The following TAFA1 variants were observed in gnomAD, a reference collection of about 807,000 sequenced individuals.
TAFA1 encodes the protein TAFA chemokine like family member 1, also known as chemokine-like protein TAFA-1.
TAFA1 carries 4 observed loss-of-function variants against 18.5 expected under a neutral mutation model. That is an observed-to-expected ratio of 0.22 (90% CI 0.11 to 0.49). The LOEUF (loss-of-function observed/expected upper bound fraction) is 0.49. TAFA1 is among the 20% of genes least tolerant of loss of function. The pLI, the probability that TAFA1 is intolerant of heterozygous loss-of-function variation, is 0.98. For missense variants in TAFA1, 147 were observed against 169.0 expected (o/e 0.87, Z 0.72); for synonymous variants, 56 against 55.2 (o/e 1.01, Z -0.06).
chr3:68,464,170 C>T (rs917914623), intron 3 of TAFA1, among the ~76,000 whole-genome samples: 4 of 152,120 alleles, frequency 2.6e-5, no homozygotes, highest in Non-Finnish European at 1.5e-5. Context: ...CTACCATGTA[C>T]CAGAGACTGG....
chr3:68,523,258 T>C (rs1388287172), intron 3 of TAFA1, among the ~76,000 whole-genome samples: 2 of 152,214 alleles, frequency 1.3e-5, no homozygotes, highest in Non-Finnish European at 2.9e-5. Flanking sequence ...CCAGTGTTGC[T>C]AGTCTTCCTA....
At position 68,395,347 on chromosome 3, in the gene TAFA1, T is replaced by A. The variant is rs138304857; in HGVS notation, c.119-21933T>A. 8.2e-3 allele frequency among the ~76,000 whole-genome samples: 1,241 copies of A among 152,250 alleles called. 14 individuals carry two copies. The highest frequency in any genetic ancestry group is 0.028 in the African/African-American group (1,170 of 41,540). Reference sequence around the variant, plus strand: ...AACGCTTTTACACTGTTGGTGAGAGTGTAAATTAGTTCAACCATTGTGGGA... The same window carrying A: ...AACGCTTTTACACTGTTGGTGAGAGAGTAAATTAGTTCAACCATTGTGGGA... On this transcript the variant is annotated intron_variant, in intron 2 of 4. Transcript: ENST00000478136.
At chr3:68,272,024 G>A (rs11710296) in intron 2 of TAFA1, among the ~76,000 whole-genome samples, 71,373 of 151,984 alleles carry the variant, frequency 0.47, 17,978 homozygotes, top group East Asian at 0.66. Context: ...CTCTTTCCCC[G>A]ATCCTATTGA....
intron 2 of TAFA1, among the ~76,000 whole-genome samples, chr3:68,137,355 G>C (rs1372401886): frequency 6.6e-6 from 1 of 151,946 alleles, no homozygotes; most frequent in Admixed American, 6.6e-5. Flanking sequence ...CAATGTTTTG[G>C]CTTTCTTAAA....
intron 2 of TAFA1, among the ~76,000 whole-genome samples, chr3:68,073,173 T>A (rs983102897): frequency 9.2e-5 from 14 of 152,198 alleles, no homozygotes; most frequent in Admixed American, 5.9e-4. Context: ...GAGTAGGCTT[T>A]GCTGTTTTTT....
At chr3:68,268,687 A>G (rs1192865792) in intron 2 of TAFA1, among the ~76,000 whole-genome samples, 2 of 152,112 alleles carry the variant, frequency 1.3e-5, no homozygotes, top group African/African-American at 4.8e-5. Context: ...ACCTAAAAAT[A>G]TCCACCTCTT....
chr3:68,475,124 T>C (rs1559684638), intron 3 of TAFA1, among the ~76,000 whole-genome samples: 1 of 151,976 alleles, frequency 6.6e-6, no homozygotes, highest in Non-Finnish European at 1.5e-5. Flanking sequence ...AGTCACTCTT[T>C]AAATGCTGGC....
intron 2 of TAFA1, among the ~76,000 whole-genome samples, chr3:68,127,349 C>T (rs1182448449): frequency 6.6e-6 from 1 of 152,140 alleles, no homozygotes; most frequent in Non-Finnish European, 1.5e-5. Context: ...CTAAAAGAGA[C>T]TAAAGTGAAC....
chr3:68,316,690 G>A (rs1286552230), intron 2 of TAFA1, among the ~76,000 whole-genome samples: 1 of 152,142 alleles, frequency 6.6e-6, no homozygotes, highest in Non-Finnish European at 1.5e-5. Flanking sequence ...GTACATGCCT[G>A]ATGCTATACT....
intron 2 of TAFA1, among the ~76,000 whole-genome samples, chr3:68,183,539 G>T (rs1482342982): frequency 6.6e-6 from 1 of 152,134 alleles, no homozygotes; most frequent in Admixed American, 6.6e-5. Flanking sequence ...ATGATCAGAA[G>T]ACTGTTGGAT....
At chr3:68,349,566 A>G (rs139279703) in intron 2 of TAFA1, among the ~76,000 whole-genome samples, 1 of 152,244 alleles carries the variant, frequency 6.6e-6, no homozygotes, top group East Asian at 1.9e-4. Flanking sequence ...AAAATTTCAT[A>G]GGAAAAAAAG....
intron 2 of TAFA1, among the ~76,000 whole-genome samples, chr3:68,271,422 A>G (rs925188645): frequency 5.9e-5 from 9 of 152,132 alleles, no homozygotes; most frequent in Admixed American, 5.9e-4. Context: ...GGGCCACATC[A>G]GCCCCACTCA....
chr3:68,113,559 T>C (rs2065285174), intron 2 of TAFA1, among the ~76,000 whole-genome samples: 1 of 152,208 alleles, frequency 6.6e-6, no homozygotes, highest in Non-Finnish European at 1.5e-5. Context: ...CACATTTAGA[T>C]ACATTAAAAC....
intron 2 of TAFA1, among the ~76,000 whole-genome samples, chr3:68,243,639 T>C (rs1343665769): frequency 6.6e-5 from 10 of 152,178 alleles, no homozygotes; most frequent in South Asian, 2.1e-4. Context: ...TCATTTCTTT[T>C]TATGGCTGAG....
intron 2 of TAFA1, among the ~76,000 whole-genome samples, chr3:68,351,774 G>T (rs1290061472): frequency 2.6e-5 from 4 of 151,896 alleles, no homozygotes; most frequent in African/African-American, 7.3e-5. Flanking sequence ...GGCTGATGAG[G>T]GTGTAAAGCT....
At chr3:68,070,101 G>A (rs2064733865) in intron 2 of TAFA1, among the ~76,000 whole-genome samples, 1 of 152,238 alleles carries the variant, frequency 6.6e-6, no homozygotes, top group Admixed American at 6.5e-5. Flanking sequence ...GAGACTCTGT[G>A]TGGGGGCTCT....
At chr3:68,225,627 G>A (rs2066789402) in intron 2 of TAFA1, among the ~76,000 whole-genome samples, 1 of 152,168 alleles carries the variant, frequency 6.6e-6, no homozygotes. Flanking sequence ...TACCCAACAT[G>A]CAGAGTAGGT....
intron 2 of TAFA1, among the ~76,000 whole-genome samples, chr3:68,271,821 C>T (rs1212453298): frequency 1.4e-5 from 2 of 143,960 alleles, no homozygotes; most frequent in South Asian, 4.6e-4. Flanking sequence ...GTCTATCTCT[C>T]TCTCTCTCTC....
At chr3:68,249,688 A>G (rs928061149) in intron 2 of TAFA1, among the ~76,000 whole-genome samples, 30 of 152,194 alleles carry the variant, frequency 2.0e-4, no homozygotes, top group Non-Finnish European at 1.5e-5. Flanking sequence ...ACCAAGAAAG[A>G]AGAAGAAAAC....
Sources: allele counts gnomAD v4.1 joint callset (sites outside exome capture counted in the v4.1 genomes callset), GRCh38; gene constraint gnomAD v4.1.1; transcripts MANE v1.5; gene names NCBI Gene and HGNC (gene_info 2026-07-23, HGNC 2026-07-21).